The following LRRC47 variants were observed in gnomAD, a reference collection of about 807,000 sequenced individuals.
LRRC47 encodes the protein leucine rich repeat containing 47, also known as leucine-rich repeat-containing protein 47.
Under a neutral mutation model 40.9 loss-of-function variants are expected in LRRC47, and 31 were observed. That is an observed-to-expected ratio of 0.76 (90% CI 0.57 to 1.02). The LOEUF is 1.02. LRRC47 is among the 50% of genes least tolerant of loss of function. The probability of loss-of-function intolerance (pLI) is 0.00; values close to 1 mark genes in which losing one functional copy is unlikely to be tolerated. For synonymous variants in LRRC47, 427 were observed against 371.9 expected (o/e 1.15, Z -1.70); for missense variants, 726 against 796.1 (o/e 0.91, Z 1.06).
In LRRC47 at chr1:3,786,958, A is replaced by T. The variant is rs1643581233; in HGVS notation, c.968T>A (p.Val323Asp). The T allele has an allele frequency of 1.2e-6, 2 of 1,611,020 alleles. No homozygotes were observed. Among genetic ancestry groups the T allele is most frequent in the Non-Finnish European group, 1.7e-6 (2 of 1,178,812 alleles). ...HVSENPVPLT[V>D]RVSPEVRDVR... is the part of the protein sequence containing the mutation. ...ATCCCGGACCTCGGGGCTCACTCTG[A>T]CTGTCAGAGGTACGGGGTTTTCAGA... The change falls in exon 2 of 7, where the codon GTC (valine) becomes GAC (aspartate). Residue 323 changes from valine to aspartate, a missense_variant. Val to Asp is a radical substitution (Grantham distance 152). Coordinates refer to ENST00000378251, the MANE Select transcript of LRRC47 (RefSeq NM_020710.3).
Position 3,787,287 on chromosome 1 carries a change from C to G in LRRC47, c.639G>C (p.Gln213His), listed in dbSNP as rs1198775888. 1 of 1,612,206 alleles carries G rather than the reference C, an allele frequency of 6.2e-7. No homozygotes were observed. The highest frequency in any genetic ancestry group is 8.5e-7 in the Non-Finnish European group (1 of 1,179,826). ...CAAGCTCTGCAGGGATCTCGCTCAG[C>G]TGGTTGTTCGAGAGGTCCAACGTCT... is the stretch of plus-strand genomic sequence containing the variant. The part of the protein sequence containing the change: ...SLKTLDLSNN[Q>H]LSEIPAELAD... Residue 213 changes from glutamine (Q) to histidine (H), a missense_variant, in exon 2 of 7, where the codon CAG (glutamine) becomes CAC (histidine). Coordinates refer to ENST00000378251, the MANE Select transcript of LRRC47 (RefSeq NM_020710.3).
intron 1 of LRRC47, among the ~76,000 whole-genome samples, chr1:3,789,552 G>A (rs1309535822): frequency 1.3e-5 from 2 of 152,264 alleles, no homozygotes; most frequent in African/African-American, 4.8e-5. Context: ...AGTTCAGCCT[G>A]CAGCCTGCAG....
chr1:3,785,920 A>ACCATGCGGTGGTGCCATGCACCACC (rs1643567903), intron 2 of LRRC47, among the ~76,000 whole-genome samples: 2 of 149,748 alleles, frequency 1.3e-5, no homozygotes, highest in Non-Finnish European at 3.0e-5. Context: ...CCCAGGCTGG[A>ACCATGCGGTGGTGCCATGCACCACC]ATGCGGTGGT....
In LRRC47 at chr1:3,796,378, C is replaced by G. The variant is rs1319408474; in HGVS notation, c.99G>C (p.Glu33Asp). ...ELLLTGPGLE[E>D]RVRAAGGQLP... ...GCTGCCCACCCGCCGCCCGCACTCG[C>G]TCCTCCAGCCCGGGCCCCGTCAGCA... The change falls in exon 1 of 7, where the codon GAG becomes GAC. Residue 33 changes from glutamate (E) to aspartate (D), a missense_variant. Physicochemically the swap from Glu to Asp is conservative, Grantham distance 45. Coordinates refer to ENST00000378251, the MANE Select transcript of LRRC47 (RefSeq NM_020710.3). 2 of 1,512,750 alleles carry G rather than the reference C, an allele frequency of 1.3e-6. No homozygotes were observed. Among genetic ancestry groups the G allele is most frequent in the East Asian group, 5.3e-5 (2 of 37,886 alleles). 93.7% of individuals were successfully genotyped at this position (1,512,750 alleles called of 1,614,324 possible).
intron 4 of LRRC47, 116 bp from the exon 5 acceptor site, chr1:3,782,879 G>A: frequency 1.4e-6 from 1 of 703,376 alleles, no homozygotes; most frequent in Admixed American, 2.0e-5. Context: ...AGGGCTGCAT[G>A]GGCCCAGGAG....
rs894306603 is a variant in LRRC47 at position 3,779,082 on chromosome 1, A to T, written c.*2006T>A. 1.3e-5 allele frequency: 2 copies of T among 152,342 alleles called. No homozygotes were observed. The highest frequency in any genetic ancestry group is 4.8e-5 in the African/African-American group (2 of 41,458). The allele number at this position is 152,342 out of a possible 1,614,324, so 9.4% of individuals were successfully genotyped here. A position where few individuals can be genotyped will look rare whatever the true frequency, so the allele number is the denominator to read the frequency against. On this transcript the variant is annotated 3_prime_UTR_variant, in exon 7 of 7. Coordinates refer to ENST00000378251, the MANE Select transcript of LRRC47 (RefSeq NM_020710.3). ...ACCCACGGCAGTCCAGCTGGCACTGAGTGTGTGGGCCTCGTCCTGTCTGGA... is the reference window on the plus strand; with the variant it reads ...ACCCACGGCAGTCCAGCTGGCACTGTGTGTGTGGGCCTCGTCCTGTCTGGA...
intron 1 of LRRC47, among the ~76,000 whole-genome samples, chr1:3,792,654 T>A (rs1390020026): frequency 6.6e-6 from 1 of 152,142 alleles, no homozygotes; most frequent in Non-Finnish European, 1.5e-5. Context: ...AGAAACGGGG[T>A]TTCACCATGT....
intron 1 of LRRC47, among the ~76,000 whole-genome samples, chr1:3,795,598 G>C (rs1263178198): frequency 6.6e-6 from 1 of 152,236 alleles, no homozygotes; most frequent in Non-Finnish European, 1.5e-5. Flanking sequence ...AGCGTACCAC[G>C]TGTAAAAGTC....
chr1:3,795,976 G>C lies in LRRC47; in HGVS notation c.501C>G (p.Ser167=). 1.3e-6 allele frequency: 2 copies of C among 1,581,518 alleles called. No homozygotes were observed. The highest frequency in any genetic ancestry group is 8.6e-7 in the Non-Finnish European group (1 of 1,165,890). Residue 167 remains serine (S), a synonymous_variant, in exon 1 of 7, where the codon TCC becomes TCG. Transcript: ENST00000378251. ...CGGGGCGAAAGAGCTCGGCGGGAAAGGAGTCTAGGCAATTGCCGGTGAGGT... is the reference window on the plus strand; with the variant it reads ...CGGGGCGAAAGAGCTCGGCGGGAAACGAGTCTAGGCAATTGCCGGTGAGGT... The part of the protein sequence containing the change: ...SLNLTGNCLD[S]FPAELFRPGA...
intron 1 of LRRC47, among the ~76,000 whole-genome samples, chr1:3,788,954 G>A (rs1010298694): frequency 3.3e-5 from 5 of 152,218 alleles, no homozygotes; most frequent in Admixed American, 2.0e-4. Context: ...CCTGAGCCAC[G>A]CGTCCATCGG....
intron 2 of LRRC47, among the ~76,000 whole-genome samples, chr1:3,785,721 T>C (rs2124610913): frequency 6.6e-6 from 1 of 152,338 alleles, no homozygotes; most frequent in South Asian, 2.1e-4. Context: ...ACTGGGAAGT[T>C]AGTCTTGCCA....
chr1:3,785,320 C>T, intron 2 of LRRC47, 117 bp from the exon 3 acceptor site: 1 of 614,450 alleles, frequency 1.6e-6, no homozygotes, highest in South Asian at 2.8e-5. Flanking sequence ...CCAAGGTCTT[C>T]ACAACCACGC....
At chr1:3,789,081 G>C (rs973088385) in intron 1 of LRRC47, among the ~76,000 whole-genome samples, 5 of 152,388 alleles carry the variant, frequency 3.3e-5, no homozygotes, top group East Asian at 1.9e-4. Flanking sequence ...CATGGGACGA[G>C]AGCCAATCTA....
At position 3,781,010 on chromosome 1, in the gene LRRC47, T is replaced by C; in HGVS notation, c.*78A>G. 2 of 1,533,478 alleles carry C rather than the reference T, an allele frequency of 1.3e-6. No homozygotes were observed. The highest frequency in any genetic ancestry group is 2.4e-4 in the Middle Eastern group (1 of 4,114). The allele number at this position is 1,533,478 out of a possible 1,614,324, so 95.0% of individuals were successfully genotyped here. On this transcript the variant is annotated 3_prime_UTR_variant, in exon 7 of 7. Coordinates refer to ENST00000378251, the MANE Select transcript of LRRC47 (RefSeq NM_020710.3). ...ACCAACAAAAAAACTGGGGTGAAAA[T>C]CTAACGGATAATTCAGCATTGCCGC... is the stretch of plus-strand genomic sequence containing the variant.
intron 1 of LRRC47, among the ~76,000 whole-genome samples, chr1:3,794,357 C>T (rs1328683619): frequency 6.6e-6 from 1 of 152,140 alleles, no homozygotes; most frequent in East Asian, 1.9e-4. Context: ...CCATGTGTCA[C>T]TCTACAGTGG....
Position 3,782,735 on chromosome 1 carries a change from T to C in LRRC47, c.1339A>G (p.Asn447Asp). The stretch of plus-strand genomic sequence containing the variant: ...TCTGCATCCACAAGACACGGGTAAT[T>C]TTCATTTCCATCCAGCAAGTGAAGG... ...RYLHLLDGNE[N>D]YPCLVDADGD... Residue 447 changes from asparagine to aspartate, a missense_variant, in exon 5 of 7, where the codon AAT (asparagine) becomes GAT (aspartate). Physicochemically the swap from Asn to Asp is conservative, Grantham distance 23 (BLOSUM62 1). Coordinates refer to ENST00000378251, the MANE Select transcript of LRRC47 (RefSeq NM_020710.3). The C allele has an allele frequency of 6.2e-7, 1 of 1,611,290 alleles. No homozygotes were observed. The highest frequency in any genetic ancestry group is 8.5e-7 in the Non-Finnish European group (1 of 1,177,374).
rs1643520120 is a variant in LRRC47 at position 3,781,465 on chromosome 1, C to A, written c.1503+47G>T. On this transcript the variant is annotated intron_variant, in intron 6 of 6. Coordinates refer to ENST00000378251, the MANE Select transcript of LRRC47 (RefSeq NM_020710.3). ...GGTGGGAAGTCAAGGAGCAGAGCACCACTCACGCTCAAAAGCGTTTCTCAG... is the reference window on the plus strand; with the variant it reads ...GGTGGGAAGTCAAGGAGCAGAGCACAACTCACGCTCAAAAGCGTTTCTCAG... 15 of 1,582,756 alleles carry A rather than the reference C, an allele frequency of 9.5e-6. No individual in the cohort carries two copies. The Admixed American group carries it at 2.4e-4, about 25-fold the overall frequency.
In LRRC47 at chr1:3,781,198, G is replaced by C; in HGVS notation, c.1642C>G (p.Leu548Val). The C allele has an allele frequency of 6.2e-7, 1 of 1,614,202 alleles. No homozygotes were observed. Among genetic ancestry groups the C allele is most frequent in the Non-Finnish European group, 8.5e-7 (1 of 1,180,038 alleles). Residue 548 changes from leucine (L) to valine (V), a missense_variant, in exon 7 of 7, where the codon CTG becomes GTG. Leu to Val is a conservative substitution (Grantham distance 32). Transcript: ENST00000378251. ...PSAGKDGPSL[L>V]VVEQVRVVDL... ...ACCACCCGGACCTGCTCCACCACCAGAAGGGAGGGCCCGTCCTTTCCAGCA... is the reference window on the plus strand; with the variant it reads ...ACCACCCGGACCTGCTCCACCACCACAAGGGAGGGCCCGTCCTTTCCAGCA...
chr1:3,787,469 A>C (rs1304372520), intron 1 of LRRC47, among the ~76,000 whole-genome samples, 159 bp from the exon 2 acceptor site: 1 of 152,120 alleles, frequency 6.6e-6, no homozygotes, highest in Admixed American at 6.6e-5. Flanking sequence ...TTCACCTTTG[A>C]GTCACTTCCC....
Sources: gnomAD v4.1 joint callset for allele counts (sites outside exome capture counted in the v4.1 genomes callset) on GRCh38, gnomAD v4.1.1 for gene constraint, MANE v1.5 for transcripts, NCBI Gene and HGNC (gene_info 2026-07-23, HGNC 2026-07-21) for gene names.